The following FAR2 variants were observed in gnomAD, a reference collection of about 807,000 sequenced individuals.
The protein encoded by FAR2 is fatty acyl-CoA reductase 2.
FAR2 carries 19 observed loss-of-function variants against 56.0 expected under a neutral mutation model. That is an observed-to-expected ratio of 0.34 (90% confidence interval 0.24 to 0.50). The LOEUF is 0.50. FAR2 is among the 20% of genes least tolerant of loss of function. The pLI, the probability that FAR2 is intolerant of heterozygous loss-of-function variation, is 0.98. For missense variants in FAR2, 508 were observed against 642.2 expected (o/e 0.79, Z 2.26); for synonymous variants, 219 against 218.8 (o/e 1.00, Z -0.01).
At chr12:29,262,991 T>C (rs1948448707) in intron 1 of FAR2, among the ~76,000 whole-genome samples, 1 of 152,038 alleles carries the variant, frequency 6.6e-6, no homozygotes, top group African/African-American at 2.4e-5. Flanking sequence ...AAATAACACT[T>C]ATAGCTATAT....
intron 1 of FAR2, among the ~76,000 whole-genome samples, chr12:29,198,519 G>A (rs1056677793): frequency 6.6e-6 from 1 of 152,088 alleles, no homozygotes; most frequent in Non-Finnish European, 1.5e-5. Flanking sequence ...GAGCCACCGC[G>A]CCTGGCCTCT....
intron 1 of FAR2, among the ~76,000 whole-genome samples, chr12:29,185,335 T>A (rs1950031398): frequency 6.6e-6 from 1 of 152,252 alleles, no homozygotes; most frequent in Non-Finnish European, 1.5e-5. Flanking sequence ...TTCATTGGTA[T>A]CTATTGTTCA....
intron 2 of FAR2, among the ~76,000 whole-genome samples, chr12:29,286,377 T>C (rs1441996932): frequency 6.6e-6 from 1 of 152,184 alleles, no homozygotes; most frequent in Non-Finnish European, 1.5e-5. Flanking sequence ...CTTTCCCTAT[T>C]GTACTGCATT....
chr12:29,301,145 A>T (rs1287321566), intron 4 of FAR2, among the ~76,000 whole-genome samples: 3 of 152,190 alleles, frequency 2.0e-5, no homozygotes, highest in African/African-American at 7.2e-5. Context: ...CAGAAAGATG[A>T]AGTTAGTACA....
chr12:29,267,992 AG>A (rs1948546617), intron 1 of FAR2, among the ~76,000 whole-genome samples: 1 of 152,240 alleles, frequency 6.6e-6, no homozygotes, highest in African/African-American at 2.4e-5. Flanking sequence ...AACTTAGCAT[AG>A]AGTCTGGAAT....
chr12:29,266,572 AG>A (rs1409641942), intron 1 of FAR2, among the ~76,000 whole-genome samples: 1 of 152,136 alleles, frequency 6.6e-6, no homozygotes, highest in Non-Finnish European at 1.5e-5. Context: ...AATAGGATCT[AG>A]TATTTGATAT....
intron 2 of FAR2, chr12:29,291,573 A>G (rs1948968209): frequency 2.4e-6 from 1 of 419,110 alleles, no homozygotes; most frequent in East Asian, 7.1e-5. Flanking sequence ...GGTGTGAAAT[A>G]CAGATTCCTG....
intron 1 of FAR2, among the ~76,000 whole-genome samples, chr12:29,208,112 T>A (rs190820992): frequency 8.5e-5 from 13 of 152,374 alleles, no homozygotes; most frequent in Middle Eastern, 3.4e-3. Context: ...AAGAAGTGTG[T>A]TGCTTTGCAG....
At chr12:29,221,530 A>AC in intron 1 of FAR2, among the ~76,000 whole-genome samples, 1 of 152,304 alleles carries the variant, frequency 6.6e-6, no homozygotes, top group East Asian at 1.9e-4. Context: ...TCTAGTACAC[A>AC]CATATTCAGA....
At chr12:29,196,362 C>A (rs533734263) in intron 1 of FAR2, among the ~76,000 whole-genome samples, 1 of 152,202 alleles carries the variant, frequency 6.6e-6, no homozygotes, top group South Asian at 2.1e-4. Context: ...TATTTTTTGA[C>A]TTTTTAAATA....
Position 29,250,261 on chromosome 12 carries a change from T to C in FAR2, c.-38-20151T>C, listed in dbSNP as rs934947582. Among the ~76,000 whole-genome samples the C allele has an allele frequency of 1.1e-4, 17 of 152,286 alleles. No individual in the cohort carries two copies. The East Asian group carries it at 1.5e-3, about 14-fold the overall frequency. On this transcript the variant is annotated intron_variant, in intron 1 of 11. Coordinates refer to ENST00000536681, the MANE Select transcript of FAR2 (RefSeq NM_001271783.2). ...TAGGTAGTTAGATCCAGGAGCAAAATAGCTGGATCTGACCAGATTCTGTTC... is the reference window on the plus strand; with the variant it reads ...TAGGTAGTTAGATCCAGGAGCAAAACAGCTGGATCTGACCAGATTCTGTTC...
At chr12:29,321,484 C>G (rs528045513) in intron 9 of FAR2, among the ~76,000 whole-genome samples, 1 of 152,074 alleles carries the variant, frequency 6.6e-6, no homozygotes, top group African/African-American at 2.4e-5. Context: ...AAAAAATGAA[C>G]AGTATGTCAT....
At chr12:29,254,911 C>A (rs1393900385) in intron 1 of FAR2, among the ~76,000 whole-genome samples, 1 of 151,110 alleles carries the variant, frequency 6.6e-6, no homozygotes, top group African/African-American at 2.4e-5. Flanking sequence ...AGAGATTGCA[C>A]CACTGCACTC....
At chr12:29,286,076 CACACACACACACAT>C (rs919961748) in intron 2 of FAR2, among the ~76,000 whole-genome samples, 1 of 151,750 alleles carries the variant, frequency 6.6e-6, no homozygotes, top group African/African-American at 2.4e-5. Context: ...CACACACACA[CACACACACACACAT>C]ACACACACAC....
intron 2 of FAR2, among the ~76,000 whole-genome samples, chr12:29,276,967 G>GT (rs1306597427): frequency 6.6e-6 from 1 of 151,614 alleles, no homozygotes; most frequent in Non-Finnish European, 1.5e-5. Context: ...GATAAAATAC[G>GT]TTTTTTATAA....
intron 10 of FAR2, among the ~76,000 whole-genome samples, chr12:29,329,807 GAAATA>G (rs1359306625): frequency 6.6e-6 from 1 of 152,036 alleles, no homozygotes; most frequent in East Asian, 1.9e-4. Context: ...GAACAAAATA[GAAATA>G]AAATAAAATG....
At chr12:29,189,664 A>G (rs555363505) in intron 1 of FAR2, among the ~76,000 whole-genome samples, 1 of 152,348 alleles carries the variant, frequency 6.6e-6, no homozygotes, top group South Asian at 2.1e-4. Flanking sequence ...AAATATTTAT[A>G]TATCTATCCA....
chr12:29,287,310 C>T (rs775823487), intron 2 of FAR2, among the ~76,000 whole-genome samples: 15 of 152,134 alleles, frequency 9.9e-5, no homozygotes, highest in Non-Finnish European at 1.3e-4. Context: ...AAACGGTCTT[C>T]GCTAAAGCAC....
chr12:29,332,703 CA>C lies in FAR2; in HGVS notation c.1365del (p.Ala456GlnfsTer5), dbSNP rs1225163797. ...YLLKEDMAGI[P>X]KAKQRLKRLR... ...TTGAAAGAGGATATGGCTGGGATCC[CA>C]AAAGCAAAGCAACGCTTAAAAAGGT... On this transcript the variant is annotated frameshift_variant, in exon 11 of 12. Coordinates refer to ENST00000536681, the MANE Select transcript of FAR2 (RefSeq NM_001271783.2). LOFTEE classifies it high-confidence loss of function. 3.1e-6 allele frequency: 5 copies of C among 1,613,372 alleles called. No individual in the cohort carries two copies. Among genetic ancestry groups the C allele is most frequent in the Non-Finnish European group, 4.2e-6 (5 of 1,179,676 alleles).
Sources: allele counts gnomAD v4.1 joint callset (sites outside exome capture counted in the v4.1 genomes callset), GRCh38; gene constraint gnomAD v4.1.1; transcripts MANE v1.5; gene names NCBI Gene and HGNC (gene_info 2026-07-23, HGNC 2026-07-21).